The following DTNBP1 variants were observed in gnomAD, a reference collection of about 807,000 sequenced individuals.
DTNBP1 encodes the protein dystrobrevin binding protein 1.
A neutral mutation model predicts 42.8 loss-of-function variants in DTNBP1; 35 were observed. That is an observed-to-expected ratio of 0.82 (90% confidence interval 0.63 to 1.09). DTNBP1 has a LOEUF of 1.09. Among genes scored for constraint, DTNBP1 ranks in the 50% least tolerant of loss-of-function variants. DTNBP1 has a pLI of 0.00. For missense variants in DTNBP1, 457 were observed against 424.2 expected (o/e 1.08, Z -0.68); for synonymous variants, 171 against 162.2 (o/e 1.05, Z -0.41).
intron 7 of DTNBP1, among the ~76,000 whole-genome samples, chr6:15,592,031 T>C (rs1435380015): frequency 6.6e-6 from 1 of 152,226 alleles, no homozygotes; most frequent in Non-Finnish European, 1.5e-5. Context: ...AACTTAATCA[T>C]TTACTAGAGC....
At chr6:15,603,104 G>A (rs1672425804) in intron 6 of DTNBP1, among the ~76,000 whole-genome samples, 3 of 152,162 alleles carry the variant, frequency 2.0e-5, no homozygotes, top group Non-Finnish European at 4.4e-5. Flanking sequence ...TTCTCTAACA[G>A]ACACTTTAGA....
At chr6:15,644,695 G>T (rs1760572328) in intron 3 of DTNBP1, among the ~76,000 whole-genome samples, 1 of 151,872 alleles carries the variant, frequency 6.6e-6, no homozygotes, top group Admixed American at 6.6e-5. Context: ...GGTAAACAAT[G>T]AAATTAAGGC....
chr6:15,600,433 C>T (rs571588296), intron 6 of DTNBP1, among the ~76,000 whole-genome samples: 3 of 152,112 alleles, frequency 2.0e-5, no homozygotes, highest in Non-Finnish European at 4.4e-5. Flanking sequence ...GTGTCTGGTA[C>T]ATATTAAGTG....
At position 15,662,974 on chromosome 6, in the gene DTNBP1, A is replaced by G. The variant is rs1410327877; in HGVS notation, c.-105T>C. On this transcript the variant is annotated 5_prime_UTR_variant, in exon 1 of 10. Coordinates refer to ENST00000344537, the MANE Select transcript of DTNBP1 (RefSeq NM_032122.5). ...CCCGCGCTGTCACCGCGCGCCCCGC[A>G]CTCCCACTACCGGCCCCGCCCCCGG... 2.7e-6 allele frequency: 4 copies of G among 1,498,514 alleles called. No homozygotes were observed. The highest frequency in any genetic ancestry group is 2.3e-5 in the South Asian group (2 of 88,410). The allele number at this position is 1,498,514 out of a possible 1,614,324, so 92.8% of individuals were successfully genotyped here. A position where few individuals can be genotyped will look rare whatever the true frequency, so the allele number is the denominator to read the frequency against.
At chr6:15,651,971 A>T in intron 2 of DTNBP1, 116 bp downstream of exon 2, 1 of 826,326 alleles carries the variant, frequency 1.2e-6, no homozygotes, top group Non-Finnish European at 2.0e-6. Context: ...ATTATTTTGT[A>T]GTCAGATGCA....
chr6:15,523,520 A>G, intron 9 of DTNBP1: 1 of 1,273,244 alleles, frequency 7.9e-7, no homozygotes, highest in Non-Finnish European at 1.0e-6. Flanking sequence ...AGTGCTGCCT[A>G]TCTTTGAGGA....
chr6:15,652,244 T>C (rs922823442), intron 1 of DTNBP1, 104 bp from the exon 2 acceptor site: 3 of 851,904 alleles, frequency 3.5e-6, no homozygotes, highest in East Asian at 2.7e-5. Flanking sequence ...TGCAGTGACA[T>C]GTACATTACT....
intron 7 of DTNBP1, among the ~76,000 whole-genome samples, chr6:15,558,727 T>A (rs567745461): frequency 1.3e-5 from 2 of 152,256 alleles, no homozygotes; most frequent in Non-Finnish European, 2.9e-5. Context: ...ATAATCTGTT[T>A]ATGACTTTCT....
At chr6:15,580,003 TA>T (rs1215846550) in intron 7 of DTNBP1, among the ~76,000 whole-genome samples, 1 of 152,130 alleles carries the variant, frequency 6.6e-6, no homozygotes. Context: ...TTCATTTGAA[TA>T]AAAAATATTA....
intron 4 of DTNBP1, among the ~76,000 whole-genome samples, chr6:15,632,577 T>C (rs1719399161): frequency 6.6e-6 from 1 of 152,174 alleles, no homozygotes; most frequent in South Asian, 2.1e-4. Context: ...TTTAGCAAGA[T>C]GGCCGAATAT....
chr6:15,569,123 G>A (rs1311721233), intron 7 of DTNBP1, among the ~76,000 whole-genome samples: 1 of 152,096 alleles, frequency 6.6e-6, no homozygotes, highest in Non-Finnish European at 1.5e-5. Flanking sequence ...CCACTTCCTT[G>A]TAACCAAAAG....
At chr6:15,594,568 A>G (rs1203173858) in intron 6 of DTNBP1, among the ~76,000 whole-genome samples, 1 of 152,148 alleles carries the variant, frequency 6.6e-6, no homozygotes, top group East Asian at 1.9e-4. Context: ...TTAGCTAGGT[A>G]CAAGCTAAAT....
At chr6:15,607,165 C>G (rs1581386526) in intron 6 of DTNBP1, among the ~76,000 whole-genome samples, 1 of 152,060 alleles carries the variant, frequency 6.6e-6, no homozygotes, top group Non-Finnish European at 1.5e-5. Flanking sequence ...CACCCACTAC[C>G]ACATCCAGCT....
chr6:15,662,550 C>G (rs773817763), intron 1 of DTNBP1, among the ~76,000 whole-genome samples: 61 of 152,230 alleles, frequency 4.0e-4, no homozygotes, highest in Middle Eastern at 3.2e-3. Context: ...TCCCACACCC[C>G]CCCCGGGCGC....
At position 15,533,145 on chromosome 6, in the gene DTNBP1, G is replaced by A. The variant is rs1717510605; in HGVS notation, c.667+95C>T. ...TCTCATAACAGAACGGAACTTCTGA[G>A]GATTCTGCCCCATGCCCTGCTCTGG... On this transcript the variant is annotated intron_variant, in intron 8 of 9. Coordinates refer to ENST00000344537, the MANE Select transcript of DTNBP1 (RefSeq NM_032122.5). 3.2e-6 allele frequency: 5 copies of A among 1,575,112 alleles called. No individual in the cohort carries two copies. The South Asian group carries it at 4.5e-5, about 14-fold the overall frequency.
chr6:15,608,464 G>T (rs913740364), intron 6 of DTNBP1, among the ~76,000 whole-genome samples: 4 of 152,134 alleles, frequency 2.6e-5, no homozygotes, highest in Admixed American at 2.0e-4. Context: ...TCTCCAGAAG[G>T]CCTTCCTGTC....
intron 7 of DTNBP1, among the ~76,000 whole-genome samples, chr6:15,544,397 A>G (rs1773754525): frequency 6.6e-6 from 1 of 152,196 alleles, no homozygotes; most frequent in Non-Finnish European, 1.5e-5. Context: ...CTACATGAAA[A>G]TAAGTACTTT....
At chr6:15,617,488 G>A (rs1758776492) in intron 5 of DTNBP1, among the ~76,000 whole-genome samples, 1 of 151,956 alleles carries the variant, frequency 6.6e-6, no homozygotes, top group Non-Finnish European at 1.5e-5. Context: ...AAAAGCTATA[G>A]TAACCAAAAC....
At chr6:15,607,212 T>C (rs939318273) in intron 6 of DTNBP1, among the ~76,000 whole-genome samples, 10 of 152,080 alleles carry the variant, frequency 6.6e-5, no homozygotes, top group African/African-American at 2.2e-4. Flanking sequence ...GGTTTCACCA[T>C]GTTGGCCCGG....
Sources: gnomAD v4.1 joint callset for allele counts (sites outside exome capture counted in the v4.1 genomes callset) on GRCh38, gnomAD v4.1.1 for gene constraint, MANE v1.5 for transcripts, NCBI Gene and HGNC (gene_info 2026-07-23, HGNC 2026-07-21) for gene names.